SCN3A: variants seen among roughly 807,000 people sequenced by gnomAD.
The protein encoded by SCN3A is sodium channel protein type 3 subunit alpha.
Under a neutral mutation model 187.6 loss-of-function variants are expected in SCN3A, and 60 were observed. The observed-to-expected ratio is 0.32, with a 90% CI of 0.26 to 0.40. The LOEUF is 0.40. Ranked by LOEUF, SCN3A falls within the 10% of genes least tolerant of loss-of-function variation. SCN3A has a pLI of 1.00. For missense variants in SCN3A, 1,601 were observed against 2,428.2 expected (o/e 0.66, Z 7.16); for synonymous variants, 788 against 829.2 (o/e 0.95, Z 0.85).
chr2:165,196,603 G>A (rs1348056778), intron 1 of SCN3A, among the ~76,000 whole-genome samples: 2 of 152,066 alleles, frequency 1.3e-5, no homozygotes, highest in Non-Finnish European at 2.9e-5. Context: ...CCCAGGAAAT[G>A]TCTCCTTAAA....
At chr2:165,203,398 G>T (rs1016717551) in intron 1 of SCN3A, among the ~76,000 whole-genome samples, 1 of 151,904 alleles carries the variant, frequency 6.6e-6, no homozygotes, top group Non-Finnish European at 1.5e-5. Flanking sequence ...CTCTAAAGCT[G>T]TTAAATAAAA....
chr2:165,162,536 C>T lies in SCN3A; in HGVS notation c.967+20G>A. ...ATTCATTCAGCAACACTAAGGTTAA[C>T]ATAATGTAATACTTCTTACTGTCAT... On this transcript the variant is annotated intron_variant, in intron 8 of 27. Transcript: ENST00000283254. The T allele has an allele frequency of 6.2e-7, 1 of 1,613,778 alleles. No homozygotes were observed.
Position 165,092,660 on chromosome 2 carries a change from G to A in SCN3A, c.4537-136C>T. On this transcript the variant is annotated intron_variant, in intron 26 of 27. Coordinates refer to ENST00000283254, the MANE Select transcript of SCN3A (RefSeq NM_006922.4). This position sits in a 1 kb window ranked among gnomAD's most constrained non-coding sequence, Gnocchi z 4.2. Reference sequence around the variant, plus strand: ...CATATTACCCCAAACAATTTTGTGTGCTTTTTTTCTCTTCATGTTAAAAAA... The same window carrying A: ...CATATTACCCCAAACAATTTTGTGTACTTTTTTTCTCTTCATGTTAAAAAA... 1 of 793,308 alleles carries A rather than the reference G, an allele frequency of 1.3e-6. No individual in the cohort carries two copies. Among genetic ancestry groups the A allele is most frequent in the Non-Finnish European group, 2.0e-6 (1 of 505,058 alleles). The allele number at this position is 793,308 out of a possible 1,614,324, so 49.1% of individuals were successfully genotyped here. A position where few individuals can be genotyped will look rare whatever the true frequency, so the allele number is the denominator to read the frequency against.
rs202046674 is a variant in SCN3A, at chr2:165,127,956, C to T, written c.3068G>A (p.Arg1023Gln). 48 of 1,614,018 alleles carry T rather than the reference C, an allele frequency of 3.0e-5. No individual in the cohort carries two copies. Among genetic ancestry groups the T allele is most frequent in the Middle Eastern group, 1.6e-4 (1 of 6,062 alleles). The part of the protein sequence containing the change: ...KGIDYVKNKM[R>Q]ECFQKAFFRK... ...AAAAAAGGCTTTTTGGAAACACTCCCGCATCTTATTTTTCACATAATCAAT... is the reference window on the plus strand; with the variant it reads ...AAAAAAGGCTTTTTGGAAACACTCCTGCATCTTATTTTTCACATAATCAAT... The change falls in exon 18 of 28, where the codon CGG becomes CAG. Residue 1023 changes from arginine to glutamine, a missense_variant. Physicochemically the swap from Arg to Gln is conservative, Grantham distance 43. Coordinates refer to ENST00000283254, the MANE Select transcript of SCN3A (RefSeq NM_006922.4).
At chr2:165,190,586 T>TTA (rs1031925182) in intron 1 of SCN3A, among the ~76,000 whole-genome samples, 8 of 143,202 alleles carry the variant, frequency 5.6e-5, no homozygotes, top group East Asian at 2.0e-4. Flanking sequence ...ATATAAAACT[T>TTA]TATATATATA....
chr2:165,198,365 A>G (rs1044494171), intron 1 of SCN3A, among the ~76,000 whole-genome samples: 2 of 151,982 alleles, frequency 1.3e-5, no homozygotes, highest in Non-Finnish European at 2.9e-5. Context: ...TATGGTCAAG[A>G]GGTTTCCTCT....
rs571544351 is a variant in SCN3A, at chr2:165,158,740, C to A, written c.1032-2837G>T. ...AATATTTGTTTGTATCTTGATAGCT[C>A]ATTTCTTTTTAATCACTCAGTAATA... On this transcript the variant is annotated intron_variant, in intron 9 of 27. Coordinates refer to ENST00000283254, the MANE Select transcript of SCN3A (RefSeq NM_006922.4). 9.7e-4 allele frequency among the ~76,000 whole-genome samples: 133 copies of A among 137,570 alleles called. 11 individuals are homozygous for A. Among genetic ancestry groups the A allele is most frequent in the Non-Finnish European group, 1.1e-3 (70 of 66,590 alleles). 90.3% of individuals were successfully genotyped at this position (137,570 alleles called of 152,430 possible).
intron 26 of SCN3A, 121 bp downstream of exon 26, chr2:165,094,253 A>G: frequency 2.5e-6 from 2 of 810,864 alleles, no homozygotes; most frequent in Non-Finnish European, 2.2e-6. Context: ...CAAAATATGA[A>G]CTTTATAATT....
At chr2:165,103,656 G>A (rs902635410) in intron 21 of SCN3A, among the ~76,000 whole-genome samples, 2 of 152,086 alleles carry the variant, frequency 1.3e-5, no homozygotes, top group African/African-American at 4.8e-5. Context: ...GACTGAGAAA[G>A]AAAAGAATAA....
chr2:165,153,039 A>G (rs1198582226), intron 11 of SCN3A, among the ~76,000 whole-genome samples: 4 of 151,748 alleles, frequency 2.6e-5, no homozygotes, highest in Admixed American at 6.6e-5. Flanking sequence ...GACCTGCACT[A>G]TGTTATTTCA....
chr2:165,182,969 C>T (rs1690982410), intron 2 of SCN3A, among the ~76,000 whole-genome samples: 1 of 122,930 alleles, frequency 8.1e-6, no homozygotes, highest in African/African-American at 3.4e-5. Context: ...AAAACAAGAC[C>T]TTGTCAAAAA....
rs1689452741 is a variant in SCN3A at position 165,162,316 on chromosome 2, T to G, written c.1023A>C (p.Ser341=). The G allele has an allele frequency of 1.2e-6, 2 of 1,613,084 alleles. No homozygotes were observed. The highest frequency in any genetic ancestry group is 2.7e-5 in the African/African-American group (2 of 74,848). ...QKDPLLCGNG[S]DAGQCPEGYI... ...TATATTATGTTTCTTACCCTGCATC[T>G]GAGCCATTTCCACAGAGTAAAGGGT... The change falls in exon 9 of 28, where the codon TCA becomes TCC. Residue 341 remains serine (S), a synonymous_variant. Transcript: ENST00000283254.
chr2:165,166,448 A>T (rs1689762250), intron 5 of SCN3A, among the ~76,000 whole-genome samples: 1 of 152,182 alleles, frequency 6.6e-6, no homozygotes, highest in African/African-American at 2.4e-5. Context: ...TAAAACCTTG[A>T]AATTTGGCTA....
chr2:165,155,104 C>T (rs954637874), intron 10 of SCN3A, among the ~76,000 whole-genome samples: 2 of 152,192 alleles, frequency 1.3e-5, no homozygotes, highest in Non-Finnish European at 2.9e-5. Context: ...TTCACATCAA[C>T]ATCACTGATT....
chr2:165,137,803 C>T (rs1158799682), intron 15 of SCN3A, 76 bp downstream of exon 15: 2 of 1,163,038 alleles, frequency 1.7e-6, no homozygotes, highest in Non-Finnish European at 2.6e-6. Context: ...TTCAACACAG[C>T]ACAAATACAT....
At chr2:165,160,297 A>G (rs1689282179) in intron 9 of SCN3A, among the ~76,000 whole-genome samples, 1 of 152,192 alleles carries the variant, frequency 6.6e-6, no homozygotes, top group Admixed American at 6.5e-5. Flanking sequence ...ATTATATATT[A>G]CAGTATGCTA....
intron 9 of SCN3A, among the ~76,000 whole-genome samples, chr2:165,161,137 C>CTTTTTTTTTTTTTTTTTTTTTTTTTTTTT (rs61608647): frequency 9.3e-4 from 87 of 93,396 alleles, no homozygotes; most frequent in Non-Finnish European, 1.2e-3. Context: ...TTCTTTCTTT[C>CTTTTTTTTTTTTTTTTTTTTTTTTTTTTT]TTTTTTTTTT....
At chr2:165,151,914 G>A (rs1028251075) in intron 11 of SCN3A, among the ~76,000 whole-genome samples, 5 of 152,126 alleles carry the variant, frequency 3.3e-5, no homozygotes, top group South Asian at 4.1e-4. Flanking sequence ...TTTTAAATGC[G>A]CATTGGGTAG....
intron 18 of SCN3A, among the ~76,000 whole-genome samples, chr2:165,125,580 G>A (rs1686945635): frequency 6.6e-6 from 1 of 152,076 alleles, no homozygotes; most frequent in Non-Finnish European, 1.5e-5. Flanking sequence ...GCCTCCCAAA[G>A]TGCTGGGATT....
Sources: gnomAD v4.1 joint callset for allele counts (sites outside exome capture counted in the v4.1 genomes callset) on GRCh38, gnomAD v4.1.1 for gene constraint, Gnocchi (gnomAD v3.1) non-coding constraint, MANE v1.5 for transcripts, NCBI Gene and HGNC (gene_info 2026-07-23, HGNC 2026-07-21) for gene names.